The following ADGRG4 variants were observed in gnomAD, a reference collection of about 807,000 sequenced individuals.
ADGRG4 encodes adhesion G protein-coupled receptor G4.
Under a neutral mutation model 126.2 loss-of-function variants are expected in ADGRG4, and 122 were observed. That is an observed-to-expected ratio of 0.97 (90% CI 0.83 to 1.12). ADGRG4 has a LOEUF of 1.12. Ranked by LOEUF, ADGRG4 falls within the 50% of genes most tolerant of loss-of-function variation. The pLI, the probability that ADGRG4 is intolerant of heterozygous loss-of-function variation, is 0.00. For missense variants in ADGRG4, 2,481 were observed against 2,251.8 expected, an observed-to-expected ratio of 1.10 and a Z score of -2.06; for synonymous variants, 943 against 838.7, an observed-to-expected ratio of 1.12 and a Z score of -2.15.
In ADGRG4 at chrX:136,351,191, T is replaced by C. The variant is rs1407861226; in HGVS notation, c.6728-256T>C. ...AATGAGAGTGGAGAATTGGTGGGAT[T>C]TGTGGAGTGTCTGTCAACTAGAAAT... On this transcript the variant is annotated intron_variant, in intron 6 of 25. Transcript: ENST00000394143. Among the ~76,000 whole-genome samples, 4 of 111,354 alleles carry C rather than the reference T, an allele frequency of 3.6e-5. No homozygotes were observed. The Admixed American group carries it at 3.8e-4, about 11-fold the overall frequency.
chrX:136,359,720 G>A (rs2075116279), intron 11 of ADGRG4, among the ~76,000 whole-genome samples: 2 of 111,205 alleles, frequency 1.8e-5, no homozygotes, highest in African/African-American at 6.5e-5. Flanking sequence ...TGGAATGGGA[G>A]GATTTTCTCT....
At chrX:136,313,883 G>A (rs770438988) in intron 4 of ADGRG4, among the ~76,000 whole-genome samples, 8 of 110,876 alleles carry the variant, frequency 7.2e-5, no homozygotes, top group African/African-American at 2.6e-4. Context: ...AGAGATCTTA[G>A]TAGAGGGCCC....
chrX:136,341,149 C>T (rs1034053985), intron 5 of ADGRG4, among the ~76,000 whole-genome samples: 2 of 111,976 alleles, frequency 1.8e-5, no homozygotes, highest in African/African-American at 6.5e-5. Flanking sequence ...ACAATTGCTA[C>T]ATCTATGGCT....
intron 4 of ADGRG4, among the ~76,000 whole-genome samples, chrX:136,310,382 GCAGTCA>G (rs1034670379): frequency 9.0e-6 from 1 of 111,369 alleles, no homozygotes; most frequent in Non-Finnish European, 1.9e-5. Flanking sequence ...TCAATTTAAA[GCAGTCA>G]CAAGGTTTTC....
intron 3 of ADGRG4, among the ~76,000 whole-genome samples, chrX:136,308,262 C>A (rs1047659706): frequency 1.8e-5 from 2 of 111,954 alleles, no homozygotes; most frequent in African/African-American, 6.5e-5. Flanking sequence ...CGCCAGCATG[C>A]CCAGATAATT....
chrX:136,372,368 C>G (rs763180103), intron 14 of ADGRG4, among the ~76,000 whole-genome samples: 16 of 111,727 alleles, frequency 1.4e-4, no homozygotes, highest in African/African-American at 4.5e-4. Flanking sequence ...CCCCATTTCT[C>G]TCACCAGACT....
intron 5 of ADGRG4, among the ~76,000 whole-genome samples, chrX:136,330,884 G>C (rs1429665020): frequency 9.0e-6 from 1 of 110,700 alleles, no homozygotes; most frequent in Non-Finnish European, 1.9e-5. Flanking sequence ...AGTTATTATT[G>C]AGTATAGTCA....
chrX:136,369,781 A>G (rs1308041569), intron 13 of ADGRG4, among the ~76,000 whole-genome samples: 1 of 112,067 alleles, frequency 8.9e-6, no homozygotes, highest in Non-Finnish European at 1.9e-5. Flanking sequence ...AGAAACAACT[A>G]CAACCTTGTT....
chrX:136,381,811 C>A (rs2075265569), intron 15 of ADGRG4, among the ~76,000 whole-genome samples: 1 of 111,219 alleles, frequency 9.0e-6, no homozygotes, highest in Non-Finnish European at 1.9e-5. Context: ...CAGTCCGAGT[C>A]TCAAAATTGA....
chrX:136,387,921 T>C, intron 16 of ADGRG4, 47 bp downstream of exon 16: 1 of 1,090,894 alleles, frequency 9.2e-7, no homozygotes, highest in Non-Finnish European at 1.2e-6. Context: ...ATATGGTGAC[T>C]CATTGTAATT....
intron 3 of ADGRG4, 44 bp downstream of exon 3, chrX:136,305,067 C>T (rs2074724746): frequency 8.9e-6 from 1 of 111,982 alleles, no homozygotes; most frequent in Non-Finnish European, 1.9e-5. Flanking sequence ...ACACTGGGGG[C>T]TCCAGAGAAG....
At position 136,371,334 on chromosome X, in the gene ADGRG4, C is replaced by G; in HGVS notation, c.7403C>G (p.Ala2468Gly). 1 of 1,169,966 alleles carries G rather than the reference C, an allele frequency of 8.5e-7. No homozygotes were observed. The highest frequency in any genetic ancestry group is 3.0e-5 in the East Asian group (1 of 33,343). The change falls in exon 14 of 26, where the codon GCT becomes GGT. Residue 2468 changes from alanine to glycine, a missense_variant. Coordinates refer to ENST00000394143, the MANE Select transcript of ADGRG4 (RefSeq NM_153834.4). ...LANITISDEN[A>G]EDVAEHILNL... ...CTCAACTTTCTTTCCCCAGAGAATG[C>G]TGAGGATGTTGCAGAGCATATTTTA... is the stretch of plus-strand genomic sequence containing the variant.
chrX:136,390,077 A>G (rs1178950485), intron 16 of ADGRG4, among the ~76,000 whole-genome samples: 2 of 111,674 alleles, frequency 1.8e-5, no homozygotes, highest in African/African-American at 6.5e-5. Context: ...TAAAGACAGG[A>G]TCTCGCTCTG....
intron 8 of ADGRG4, among the ~76,000 whole-genome samples, chrX:136,354,174 G>T (rs2075079637): frequency 8.9e-6 from 1 of 112,172 alleles, no homozygotes; most frequent in Admixed American, 9.4e-5. Flanking sequence ...ATAGGTTCAA[G>T]AAAATTCATA....
chrX:136,389,225 C>T (rs770662026), intron 16 of ADGRG4, among the ~76,000 whole-genome samples: 2 of 111,839 alleles, frequency 1.8e-5, no homozygotes, highest in African/African-American at 3.2e-5. Context: ...CTCCTTCCTG[C>T]CTCCTGGGCA....
At chrX:136,353,746 G>C (rs148767588) in intron 8 of ADGRG4, among the ~76,000 whole-genome samples, 1 of 111,948 alleles carries the variant, frequency 8.9e-6, no homozygotes, top group Non-Finnish European at 1.9e-5. Flanking sequence ...AATGCACGAG[G>C]ATTTATAAGG....
At position 136,350,434 on chromosome X, in the gene ADGRG4, G is replaced by A; in HGVS notation, c.6727+1G>A. Reference sequence around the variant, plus strand: ...TCGCCTACTGCCACCAAGTCCACAGGTACTGCTCCATAATGCATGTGGTGT... The same window carrying A: ...TCGCCTACTGCCACCAAGTCCACAGATACTGCTCCATAATGCATGTGGTGT... On this transcript the variant is annotated splice_donor_variant, in intron 6 of 25. Transcript: ENST00000394143. LOFTEE classifies it high-confidence loss of function. 5 of 1,198,155 alleles carry A rather than the reference G, an allele frequency of 4.2e-6. No homozygotes were observed. Among genetic ancestry groups the A allele is most frequent in the Non-Finnish European group, 5.6e-6 (5 of 888,727 alleles).
chrX:136,352,247 A>T (rs1164527173), intron 7 of ADGRG4, among the ~76,000 whole-genome samples: 2 of 111,854 alleles, frequency 1.8e-5, no homozygotes, highest in African/African-American at 6.5e-5. Context: ...GCACATATTC[A>T]TGCTGGTAAA....
At chrX:136,401,899 T>C (rs943699351) in intron 21 of ADGRG4, among the ~76,000 whole-genome samples, 1 of 111,270 alleles carries the variant, frequency 9.0e-6, no homozygotes, top group African/African-American at 3.3e-5. Flanking sequence ...GGGAGGTGAG[T>C]AGGAGATGGC....
Sources: allele counts gnomAD v4.1 joint callset (sites outside exome capture counted in the v4.1 genomes callset), GRCh38; gene constraint gnomAD v4.1.1; transcripts MANE v1.5; gene names NCBI Gene and HGNC (gene_info 2026-07-23, HGNC 2026-07-21).